RBFOX1: variants seen among roughly 807,000 people sequenced by gnomAD.
RBFOX1 encodes the protein RNA binding fox-1 homolog 1.
In RBFOX1, 8 loss-of-function variants were observed where a neutral mutation model predicts 57.7. That is an observed-to-expected ratio of 0.14 (90% CI 0.08 to 0.25). The LOEUF (loss-of-function observed/expected upper bound fraction) is 0.25. Ranked by LOEUF, RBFOX1 falls within the 10% of genes least tolerant of loss-of-function variation. The pLI, the probability that RBFOX1 is intolerant of heterozygous loss-of-function variation, is 1.00. For synonymous variants in RBFOX1, 326 were observed against 222.4 expected, an observed-to-expected ratio of 1.47 and a Z score of -4.15; for missense variants, 611 against 548.5, an observed-to-expected ratio of 1.11 and a Z score of -1.14.
intron 3 of RBFOX1, among the ~76,000 whole-genome samples, chr16:6,982,733 C>A (rs578187171): frequency 6.6e-6 from 1 of 152,260 alleles, no homozygotes; most frequent in East Asian, 1.9e-4. Flanking sequence ...TGGCTCATGC[C>A]TGTAATCCCA....
intron 3 of RBFOX1, among the ~76,000 whole-genome samples, chr16:6,947,119 A>G (rs2079693912): frequency 6.6e-6 from 1 of 152,136 alleles, no homozygotes; most frequent in Non-Finnish European, 1.5e-5. Context: ...AAGATCTGTT[A>G]AACTCTTAGC....
At chr16:5,831,384 T>G (rs989626072) in intron 3 of RBFOX1, among the ~76,000 whole-genome samples, 1 of 152,104 alleles carries the variant, frequency 6.6e-6, no homozygotes, top group Non-Finnish European at 1.5e-5. Flanking sequence ...CTTTCCACCT[T>G]GAGTAAAAGC....
At chr16:6,302,720 G>A (rs2078964208) in intron 1 of RBFOX1, among the ~76,000 whole-genome samples, 1 of 152,160 alleles carries the variant, frequency 6.6e-6, no homozygotes, top group Non-Finnish European at 1.5e-5. Flanking sequence ...TCTCTTTCTT[G>A]TGCAAACAGG....
At position 6,085,650 on chromosome 16, in the gene RBFOX1, T is replaced by TTGTGTGTGTGTGTG. The variant is rs71142678; in HGVS notation, c.-127+65664_-127+65677dup. Among the ~76,000 whole-genome samples the TTGTGTGTGTGTGTG allele has an allele frequency of 6.1e-4, 92 of 150,588 alleles. 2 individuals carry two copies. The East Asian group carries it at 7.5e-3, about 12-fold the overall frequency. ...AGGCAGGAGAAGTAGCAGTGTGTGT[T>TTGTGTGTGTGTGTG]TGTGTGTGTGTGTGTGTGTCTGTGT... On this transcript the variant is annotated intron_variant, in intron 1 of 15. Coordinates refer to ENST00000550418, the MANE Select transcript of RBFOX1 (RefSeq NM_018723.4).
In RBFOX1 at chr16:6,109,194, C is replaced by A. The variant is rs537980544; in HGVS notation, c.-127+89202C>A. 2.6e-5 allele frequency among the ~76,000 whole-genome samples: 4 copies of A among 152,240 alleles called. No homozygotes were observed. The South Asian group carries it at 8.3e-4, about 32-fold the overall frequency. Reference sequence around the variant, plus strand: ...GCTTTTGTTTTCTGTGAGCTCATTGCCCCCTTTCCCCTTTAATATTCTAGT... The same window carrying A: ...GCTTTTGTTTTCTGTGAGCTCATTGACCCCTTTCCCCTTTAATATTCTAGT... On this transcript the variant is annotated intron_variant, in intron 1 of 15. Coordinates refer to ENST00000550418, the MANE Select transcript of RBFOX1 (RefSeq NM_018723.4).
chr16:6,624,012 C>T (rs777747799), intron 2 of RBFOX1, among the ~76,000 whole-genome samples: 8 of 152,222 alleles, frequency 5.3e-5, no homozygotes, highest in Non-Finnish European at 8.8e-5. Flanking sequence ...CCTGAGGAGT[C>T]GCCACACTGA....
In RBFOX1 at chr16:6,976,525, C is replaced by G. The variant is rs140100073; in HGVS notation, c.-15-75532C>G. ...ACACCAGAAAGAATTTGGGGTGAGT[C>G]CACGGTGCAAACTAAAAAAGCAAGT... is the stretch of plus-strand genomic sequence containing the variant. On this transcript the variant is annotated intron_variant, in intron 3 of 15. Coordinates refer to ENST00000550418, the MANE Select transcript of RBFOX1 (RefSeq NM_018723.4). 1.2e-3 allele frequency among the ~76,000 whole-genome samples: 177 copies of G among 151,966 alleles called. 1 individual carries two copies. Among genetic ancestry groups the G allele is most frequent in the Non-Finnish European group, 8.4e-4 (57 of 67,996 alleles).
intron 4 of RBFOX1, among the ~76,000 whole-genome samples, chr16:7,263,713 T>C (rs2095017435): frequency 6.6e-6 from 1 of 151,826 alleles, no homozygotes; most frequent in African/African-American, 2.4e-5. Flanking sequence ...CTGGCTAACA[T>C]GGTGAAACCC....
chr16:7,540,243 GCT>G (rs1460505077), intron 5 of RBFOX1, among the ~76,000 whole-genome samples: 1 of 152,002 alleles, frequency 6.6e-6, no homozygotes, highest in Non-Finnish European at 1.5e-5. Context: ...TCCAGATCTC[GCT>G]GTTTCCCTCG....
chr16:6,709,648 T>G (rs2063379809), intron 3 of RBFOX1, among the ~76,000 whole-genome samples: 1 of 152,200 alleles, frequency 6.6e-6, no homozygotes, highest in African/African-American at 2.4e-5. Context: ...CTTATTGATT[T>G]AATTTCTTTT....
chr16:6,129,566 A>G (rs1597587270), intron 1 of RBFOX1, among the ~76,000 whole-genome samples: 3 of 152,120 alleles, frequency 2.0e-5, no homozygotes, highest in East Asian at 1.9e-4. Context: ...GATTGAAAGC[A>G]TAGAGGTAGG....
intron 4 of RBFOX1, among the ~76,000 whole-genome samples, chr16:7,325,373 TATGTGGTTTA>T (rs1245662404): frequency 6.6e-6 from 1 of 152,332 alleles, no homozygotes; most frequent in East Asian, 1.9e-4. Flanking sequence ...TAATGTGGTC[TATGTGGTTTA>T]ATGTGAGCTC....
At chr16:6,747,468 CTGTCTGTT>C (rs796689796) in intron 3 of RBFOX1, among the ~76,000 whole-genome samples, 2,462 of 151,760 alleles carry the variant, frequency 0.016, 57 homozygotes, top group African/African-American at 0.054. Context: ...GTCTGTCTGT[CTGTCTGTT>C]TATCTATCTG....
At position 5,624,226 on chromosome 16, in the gene RBFOX1, G is replaced by A. The variant is rs975112253; in HGVS notation, c.318+25265G>A. On this transcript the variant is annotated intron_variant, in intron 3 of 19. Coordinates refer to the RBFOX1 transcript ENST00000641259. ...GAGACTCTTTTTGAGACGGAGTCTC[G>A]CTCTGTCGCCCAGGCTAGAGTGCAG... 3.9e-5 allele frequency among the ~76,000 whole-genome samples: 6 copies of A among 152,266 alleles called. No individual in the cohort carries two copies. In the East Asian group the frequency reaches 9.7e-4, roughly 25 times the overall value.
At chr16:6,645,788 C>G (rs8051167) in intron 2 of RBFOX1, among the ~76,000 whole-genome samples, 1 of 152,156 alleles carries the variant, frequency 6.6e-6, no homozygotes, top group Non-Finnish European at 1.5e-5. Context: ...TGCTAAGACC[C>G]TGGCGTGTAT....
chr16:7,216,848 G>A (rs1393943871), intron 4 of RBFOX1, among the ~76,000 whole-genome samples: 1 of 152,024 alleles, frequency 6.6e-6, no homozygotes, highest in Non-Finnish European at 1.5e-5. Context: ...TTTTTACCAA[G>A]TTCTAGTCAT....
intron 3 of RBFOX1, among the ~76,000 whole-genome samples, chr16:6,783,476 A>T (rs191853004): frequency 3.5e-4 from 53 of 150,558 alleles, no homozygotes; most frequent in African/African-American, 1.3e-3. Flanking sequence ...CAATTATTTT[A>T]AATTGATTAA....
intron 3 of RBFOX1, among the ~76,000 whole-genome samples, chr16:6,821,513 A>C (rs1462493327): frequency 1.3e-5 from 2 of 152,184 alleles, no homozygotes; most frequent in Non-Finnish European, 2.9e-5. Context: ...TCATTATCCC[A>C]AAAAGAAATC....
At chr16:6,034,060 C>T (rs545044011) in intron 1 of RBFOX1, among the ~76,000 whole-genome samples, 18 of 152,128 alleles carry the variant, frequency 1.2e-4, no homozygotes, top group Non-Finnish European at 7.4e-5. Flanking sequence ...GTTGGCCAGG[C>T]GCGGTGGCTC....
Sources: allele counts gnomAD v4.1 joint callset (sites outside exome capture counted in the v4.1 genomes callset), GRCh38; gene constraint gnomAD v4.1.1; transcripts MANE v1.5; gene names NCBI Gene and HGNC (gene_info 2026-07-23, HGNC 2026-07-21).